Variants in GOLGA3 observed in about 807,000 individuals in gnomAD.
GOLGA3 encodes golgin A3.
Under a neutral mutation model 169.4 loss-of-function variants are expected in GOLGA3, and 75 were observed. The observed-to-expected ratio is 0.44, with a 90% CI of 0.37 to 0.54. The LOEUF is 0.54. Among genes scored for constraint, GOLGA3 ranks in the 20% least tolerant of loss-of-function variants. The pLI is 0.00. For synonymous variants in GOLGA3, 824 were observed against 822.4 expected (o/e 1.00, Z -0.03); for missense variants, 1,899 against 1,930.0 (o/e 0.98, Z 0.30).
chr12:132,813,447 A>G (rs768930137), intron 3 of GOLGA3, 28 bp from the exon 4 acceptor site: 1 of 1,281,946 alleles, frequency 7.8e-7, no homozygotes, highest in Admixed American at 1.9e-5. Flanking sequence ...CAATTTGGAA[A>G]CTCATAAAAT....
rs544651434 is a variant in GOLGA3, at chr12:132,819,182, G to A, written c.134-2370C>T. Reference sequence around the variant, plus strand: ...TGTCTCACAGGGGTCAGCATTCCTCGGATCCCACGTGCATGCAGGACAGCA... The same window carrying A: ...TGTCTCACAGGGGTCAGCATTCCTCAGATCCCACGTGCATGCAGGACAGCA... On this transcript the variant is annotated intron_variant, in intron 2 of 23. Transcript: ENST00000450791. Among the ~76,000 whole-genome samples, 13 of 152,154 alleles carry A rather than the reference G, an allele frequency of 8.5e-5. No individual in the cohort carries two copies. The East Asian group carries it at 1.5e-3, about 18-fold the overall frequency.
At chr12:132,801,288 C>T (rs752806971) in intron 8 of GOLGA3, among the ~76,000 whole-genome samples, 2 of 152,220 alleles carry the variant, frequency 1.3e-5, no homozygotes, top group Non-Finnish European at 2.9e-5. Context: ...ACTGAGGGCT[C>T]AGGCAGCAGG....
rs759864161 is a variant in GOLGA3 at position 132,776,766 on chromosome 12, G to A, written c.3856-10C>T. Reference sequence around the variant, plus strand: ...ATTTGAGATTTTCCATCTAAAGAGGGGAAAGTCACATGGCCAAAAGAATAT... The same window carrying A: ...ATTTGAGATTTTCCATCTAAAGAGGAGAAAGTCACATGGCCAAAAGAATAT... On this transcript the variant is annotated splice_polypyrimidine_tract_variant and intron_variant, in intron 20 of 23. Transcript: ENST00000450791. The A allele has an allele frequency of 3.1e-6, 5 of 1,613,464 alleles. No individual in the cohort carries two copies. Among genetic ancestry groups the A allele is most frequent in the Non-Finnish European group, 4.2e-6 (5 of 1,179,798 alleles).
chr12:132,814,287 G>T (rs1057200079), intron 3 of GOLGA3, among the ~76,000 whole-genome samples: 3 of 152,088 alleles, frequency 2.0e-5, no homozygotes, highest in Non-Finnish European at 4.4e-5. Context: ...GCCTCTCAAA[G>T]TGCTGAGATT....
intron 16 of GOLGA3, among the ~76,000 whole-genome samples, chr12:132,783,206 A>AATG (rs2045702091): frequency 3.5e-5 from 3 of 85,232 alleles, no homozygotes; most frequent in Middle Eastern, 8.8e-3. Flanking sequence ...ACAAAAACAA[A>AATG]GAACAATGGA....
At chr12:132,826,695 G>C (rs1188397047) in intron 1 of GOLGA3, among the ~76,000 whole-genome samples, 1 of 152,158 alleles carries the variant, frequency 6.6e-6, no homozygotes, top group East Asian at 1.9e-4. Context: ...ACTGCCTGGA[G>C]TTTGGTGACA....
chr12:132,797,001 C>A (rs1366644956), intron 9 of GOLGA3, among the ~76,000 whole-genome samples: 1 of 152,238 alleles, frequency 6.6e-6, no homozygotes, highest in African/African-American at 2.4e-5. Flanking sequence ...GGGAGTGAGA[C>A]CCGGACATGC....
At chr12:132,818,275 T>A (rs111754805) in intron 2 of GOLGA3, among the ~76,000 whole-genome samples, 1 of 152,262 alleles carries the variant, frequency 6.6e-6, no homozygotes, top group East Asian at 1.9e-4. Flanking sequence ...TCTTCTCTTT[T>A]TTGAGACGGA....
At chr12:132,786,117 G>C (rs566310166) in intron 15 of GOLGA3, among the ~76,000 whole-genome samples, 1 of 152,250 alleles carries the variant, frequency 6.6e-6, no homozygotes, top group Admixed American at 6.6e-5. Flanking sequence ...TCAGGTGAAC[G>C]CCACAGGCCA....
chr12:132,816,540 A>G lies in GOLGA3; in HGVS notation c.406T>C (p.Cys136Arg). The change falls in exon 3 of 24, where the codon TGC becomes CGC. Residue 136 changes from cysteine (C) to arginine (R), a missense_variant and splice_region_variant. Transcript: ENST00000450791. The stretch of plus-strand genomic sequence containing the variant: ...GAAAAGCGGGGTAACGGATGCTTAC[A>G]CAGTTGCGTTTCTTGCATAGGAAGA... ...LSLPMQETQL[C>R]STDSPLPLEK... 1 of 1,611,718 alleles carries G rather than the reference A, an allele frequency of 6.2e-7. No homozygotes were observed. Among genetic ancestry groups the G allele is most frequent in the East Asian group, 2.2e-5 (1 of 44,822 alleles).
intron 12 of GOLGA3, 134 bp from the exon 13 acceptor site, chr12:132,789,424 C>T: frequency 1.4e-6 from 1 of 719,846 alleles, no homozygotes; most frequent in Non-Finnish European, 2.2e-6. Flanking sequence ...AGATACATTT[C>T]ATCAAATCTA....
At chr12:132,803,216 GCAGAGTATCCTGCCCT>G (rs2136547123) in intron 7 of GOLGA3, among the ~76,000 whole-genome samples, 1 of 152,322 alleles carries the variant, frequency 6.6e-6, no homozygotes, top group Admixed American at 6.5e-5. Flanking sequence ...ACCAAGGCAG[GCAGAGTATCCTGCCCT>G]CCTCAGCGGG....
chr12:132,792,218 G>A (rs2136426164), intron 11 of GOLGA3, among the ~76,000 whole-genome samples: 1 of 152,320 alleles, frequency 6.6e-6, no homozygotes, highest in Admixed American at 6.5e-5. Flanking sequence ...CCTCACCACT[G>A]ACAGCATGAA....
At chr12:132,797,671 CA>C (rs1314976209) in intron 9 of GOLGA3, among the ~76,000 whole-genome samples, 13 of 152,012 alleles carry the variant, frequency 8.6e-5, no homozygotes, top group African/African-American at 3.1e-4. Context: ...AAGATCGCAC[CA>C]CTGCACTCCA....
At chr12:132,786,637 GGCCCCCGCACCTCCCACCT>G in intron 14 of GOLGA3, 37 bp downstream of exon 14, 1 of 312,570 alleles carries the variant, frequency 3.2e-6, no homozygotes. Context: ...CCTCCCCCCC[GGCCCCCGCACCTCCCACCT>G]GGCCCCCGCA....
rs2044947596 is a variant in GOLGA3 at position 132,772,542 on chromosome 12, T to TC, written c.*562dup. 3 of 8,186 alleles carry TC rather than the reference T, an allele frequency of 3.7e-4. No homozygotes were observed. Among genetic ancestry groups the TC allele is most frequent in the Admixed American group, 1.2e-3 (1 of 846 alleles). 0.5% of individuals were successfully genotyped at this position (8,186 alleles called of 1,614,324 possible). ...CTGGGCAACAAAGCGAGACTCTGTC[T>TC]CAAAAAAAAAAAAAAAAAAAAAACA... On this transcript the variant is annotated 3_prime_UTR_variant, in exon 24 of 24. Coordinates refer to ENST00000450791, the MANE Select transcript of GOLGA3 (RefSeq NM_001389683.1).
intron 1 of GOLGA3, among the ~76,000 whole-genome samples, chr12:132,826,748 C>A (rs10870520): frequency 6.6e-6 from 1 of 152,052 alleles, no homozygotes. Flanking sequence ...CAGTCTCGGT[C>A]GATTCCCAGT....
Position 132,813,174 on chromosome 12 carries a change from A to T in GOLGA3, c.519+133T>A, listed in dbSNP as rs1452322403. 3 of 641,070 alleles carry T rather than the reference A, an allele frequency of 4.7e-6. No individual in the cohort carries two copies. In the African/African-American group the frequency reaches 5.5e-5, roughly 12 times the overall value. The allele number at this position is 641,070 out of a possible 1,614,324, so 39.7% of individuals were successfully genotyped here. A position where few individuals can be genotyped will look rare whatever the true frequency, so the allele number is the denominator to read the frequency against. On this transcript the variant is annotated intron_variant, in intron 4 of 23. Transcript: ENST00000450791. The stretch of plus-strand genomic sequence containing the variant: ...CTTTTCAATTGGCAGATTTAGAAAT[A>T]AAATGTGCTTGTTGCCCCTGAGCCC...
intron 6 of GOLGA3, among the ~76,000 whole-genome samples, chr12:132,805,596 C>T (rs552908122): frequency 7.8e-4 from 112 of 144,468 alleles, no homozygotes; most frequent in African/African-American, 2.6e-3. Context: ...CCGAGACCCC[C>T]AGGCGCTCTC....
Sources: allele counts gnomAD v4.1 joint callset (sites outside exome capture counted in the v4.1 genomes callset), GRCh38; gene constraint gnomAD v4.1.1; transcripts MANE v1.5; gene names NCBI Gene and HGNC (gene_info 2026-07-23, HGNC 2026-07-21).